The following GGT7 variants were observed in gnomAD, a reference collection of about 807,000 sequenced individuals.
GGT7 encodes glutathione hydrolase 7.
Under a neutral mutation model 69.2 loss-of-function variants are expected in GGT7, and 30 were observed. The observed-to-expected ratio is 0.43, with a 90% CI of 0.32 to 0.59. GGT7 has a LOEUF of 0.59. Ranked by LOEUF, GGT7 falls within the 20% of genes least tolerant of loss-of-function variation. The probability of loss-of-function intolerance (pLI) is 0.05; values close to 1 mark genes in which losing one functional copy is unlikely to be tolerated. For missense variants in GGT7, 733 were observed against 901.1 expected (o/e 0.81, Z 2.39); for synonymous variants, 388 against 391.8 (o/e 0.99, Z 0.12).
chr20:34,857,615 ATTT>A (rs5841184), intron 7 of GGT7, among the ~76,000 whole-genome samples: 101 of 117,980 alleles, frequency 8.6e-4, no homozygotes, highest in South Asian at 3.6e-3. Context: ...TTACACATTG[ATTT>A]TTTTTTTTTT....
At chr20:34,858,573 T>C (rs1198392521) in intron 7 of GGT7, among the ~76,000 whole-genome samples, 1 of 152,220 alleles carries the variant, frequency 6.6e-6, no homozygotes, top group Non-Finnish European at 1.5e-5. Context: ...ATCCTTACCA[T>C]GAACTTAATT....
intron 1 of GGT7, among the ~76,000 whole-genome samples, chr20:34,870,366 A>G (rs996803546): frequency 2.0e-5 from 3 of 152,142 alleles, no homozygotes; most frequent in African/African-American, 7.2e-5. Flanking sequence ...GCTCTCTCCT[A>G]CCATTCTTTC....
At position 34,872,696 on chromosome 20, in the gene GGT7, C is replaced by T. The variant is rs771735076; in HGVS notation, c.120G>A (p.Pro40=). 2 of 1,479,892 alleles carry T rather than the reference C, an allele frequency of 1.4e-6. No homozygotes were observed. The highest frequency in any genetic ancestry group is 1.3e-5 in the South Asian group (1 of 74,444). The allele number at this position is 1,479,892 out of a possible 1,614,324, so 91.7% of individuals were successfully genotyped here. A position where few individuals can be genotyped will look rare whatever the true frequency, so the allele number is the denominator to read the frequency against. ...LPEDEPAPAA[P]LRGRKDEDAF... Reference sequence around the variant, plus strand: ...CGTCCTCGTCCTTGCGGCCCCTCAGCGGGGCCGCGGGCGCCGGCTCGTCCT... The same window carrying T: ...CGTCCTCGTCCTTGCGGCCCCTCAGTGGGGCCGCGGGCGCCGGCTCGTCCT... The change falls in exon 1 of 15, where the codon CCG becomes CCA. Residue 40 remains proline, a synonymous_variant. Coordinates refer to ENST00000336431, the MANE Select transcript of GGT7 (RefSeq NM_178026.3).
chr20:34,852,056 A>G, intron 12 of GGT7, 99 bp downstream of exon 12: 2 of 808,658 alleles, frequency 2.5e-6, no homozygotes, highest in Non-Finnish European at 4.4e-6. Flanking sequence ...CTTATACTAG[A>G]AGATTCTGGA....
At chr20:34,854,166 A>T (rs1027034201) in intron 10 of GGT7, among the ~76,000 whole-genome samples, 1 of 152,092 alleles carries the variant, frequency 6.6e-6, no homozygotes, top group South Asian at 2.1e-4. Context: ...CAAACTCTTG[A>T]CCTCAGGTGA....
At position 34,863,112 on chromosome 20, in the gene GGT7, C is replaced by T; in HGVS notation, c.406-147G>A. On this transcript the variant is annotated intron_variant, in intron 2 of 14. Coordinates refer to ENST00000336431, the MANE Select transcript of GGT7 (RefSeq NM_178026.3). The surrounding 1 kb of genome is among the most constrained non-coding windows in gnomAD (Gnocchi z 4.4). ...ACTCTGCCCTCATTACCCCAAGTGC[C>T]TCCTAATGGATCTGTCCTTATTCTT... 3.6e-6 allele frequency: 3 copies of T among 841,468 alleles called. No individual in the cohort carries two copies. Among genetic ancestry groups the T allele is most frequent in the South Asian group, 1.7e-5 (1 of 57,828 alleles). The allele number at this position is 841,468 out of a possible 1,614,324, so 52.1% of individuals were successfully genotyped here.
At chr20:34,859,358 GGGAA>G in intron 7 of GGT7, 81 bp downstream of exon 7, 1 of 990,154 alleles carries the variant, frequency 1.0e-6, no homozygotes, top group Non-Finnish European at 1.5e-6. Flanking sequence ...GAGGGAGGGA[GGGAA>G]GGAAGGAAAA....
intron 10 of GGT7, among the ~76,000 whole-genome samples, chr20:34,853,194 C>T (rs942710291): frequency 9.2e-5 from 14 of 152,236 alleles, no homozygotes; most frequent in African/African-American, 3.1e-4. Flanking sequence ...ATCCACTCAC[C>T]TCGGCCTCCC....
At chr20:34,847,328 A>C (rs1366886598) in intron 14 of GGT7, among the ~76,000 whole-genome samples, 1 of 152,030 alleles carries the variant, frequency 6.6e-6, no homozygotes, top group Non-Finnish European at 1.5e-5. Flanking sequence ...TCCTCCCCTC[A>C]ATCTACCTCC....
At chr20:34,861,396 C>T (rs200381089) in intron 4 of GGT7, 49 bp downstream of exon 4, 19 of 755,554 alleles carry the variant, frequency 2.5e-5, no homozygotes, top group Non-Finnish European at 3.9e-5. Flanking sequence ...AGCAGAAGGG[C>T]AATGAAGAGA....
Position 34,863,847 on chromosome 20 carries a change from G to C in GGT7, c.170-299C>G, listed in dbSNP as rs990007678. Reference sequence around the variant, plus strand: ...GGGCCCAGGGCTGAGAACACTTCCTGGGGGGTGGGGTGGGGGTTCCAGCCC... The same window carrying C: ...GGGCCCAGGGCTGAGAACACTTCCTCGGGGGTGGGGTGGGGGTTCCAGCCC... On this transcript the variant is annotated intron_variant, in intron 1 of 14. Transcript: ENST00000336431. This position sits in a 1 kb window ranked among gnomAD's most constrained non-coding sequence, Gnocchi z 4.4. 1 of 580,212 alleles carries C rather than the reference G, an allele frequency of 1.7e-6. No individual in the cohort carries two copies. Among genetic ancestry groups the C allele is most frequent in the Non-Finnish European group, 3.3e-6 (1 of 305,038 alleles). The allele number at this position is 580,212 out of a possible 1,614,324, so 35.9% of individuals were successfully genotyped here.
chr20:34,863,643 C>CT lies in GGT7; in HGVS notation c.170-96dup. On this transcript the variant is annotated intron_variant, in intron 1 of 14. Transcript: ENST00000336431. This position sits in a 1 kb window ranked among gnomAD's most constrained non-coding sequence, Gnocchi z 4.4. ...ATTCAGCGCTTTCCCTGCCCCGCCC[C>CT]TGCCACACAATCCCCGCACTGGCTA... The CT allele has an allele frequency of 1.2e-6, 1 of 829,856 alleles. No individual in the cohort carries two copies. Among genetic ancestry groups the CT allele is most frequent in the Non-Finnish European group, 2.0e-6 (1 of 488,332 alleles). 51.4% of individuals were successfully genotyped at this position (829,856 alleles called of 1,614,324 possible).
intron 13 of GGT7, 38 bp from the exon 14 acceptor site, chr20:34,850,098 CA>C (rs1263781395): frequency 5.1e-6 from 7 of 1,368,418 alleles, no homozygotes; most frequent in African/African-American, 1.4e-5. Context: ...AGGGCTGTCC[CA>C]GGGGTGATGG....
Position 34,854,070 on chromosome 20 carries a change from G to A in GGT7, c.1319+461C>T, listed in dbSNP as rs528200569. On this transcript the variant is annotated intron_variant, in intron 10 of 14. Coordinates refer to ENST00000336431, the MANE Select transcript of GGT7 (RefSeq NM_178026.3). ...TCCTGCCTCAGCCTCCTGACTAGCT[G>A]GGACTACAGGCACGCGCCACCACGC... Among the ~76,000 whole-genome samples, 6 of 152,308 alleles carry A rather than the reference G, an allele frequency of 3.9e-5. No homozygotes were observed. The East Asian group carries it at 1.2e-3, about 29-fold the overall frequency.
In GGT7 at chr20:34,852,307, C is replaced by T. The variant is rs760866289; in HGVS notation, c.1470-35G>A. 3 of 1,603,182 alleles carry T rather than the reference C, an allele frequency of 1.9e-6. No homozygotes were observed. In the South Asian group the frequency reaches 3.3e-5, roughly 18 times the overall value. The stretch of plus-strand genomic sequence containing the variant: ...GAGGTGGGGTTGGGTGAGCCCTGGC[C>T]CATCCTCACCTCTACCCAGCCCCCA... On this transcript the variant is annotated intron_variant, in intron 11 of 14. Coordinates refer to ENST00000336431, the MANE Select transcript of GGT7 (RefSeq NM_178026.3).
chr20:34,852,743 TC>T (rs1440415496), intron 10 of GGT7, among the ~76,000 whole-genome samples: 2 of 152,234 alleles, frequency 1.3e-5, no homozygotes, highest in Non-Finnish European at 2.9e-5. Flanking sequence ...TTATTTAGAT[TC>T]TTTTCTGGAA....
At chr20:34,871,777 C>T (rs1034260536) in intron 1 of GGT7, among the ~76,000 whole-genome samples, 5 of 152,128 alleles carry the variant, frequency 3.3e-5, no homozygotes, top group South Asian at 4.1e-4. Flanking sequence ...CAGGAAGTGA[C>T]GTGCAGGGAC....
chr20:34,861,323 G>T, intron 4 of GGT7, 122 bp downstream of exon 4: 1 of 490,160 alleles, frequency 2.0e-6, no homozygotes, highest in South Asian at 5.2e-5. Flanking sequence ...TAGCCTAAGA[G>T]AATCCTGCTC....
intron 14 of GGT7, among the ~76,000 whole-genome samples, chr20:34,847,423 C>A (rs944466465): frequency 6.6e-6 from 1 of 152,218 alleles, no homozygotes; most frequent in Admixed American, 6.5e-5. Context: ...CCCTGTAACT[C>A]CACATCCTAC....
Sources: allele counts gnomAD v4.1 joint callset (sites outside exome capture counted in the v4.1 genomes callset), GRCh38; gene constraint gnomAD v4.1.1; non-coding constraint Gnocchi (gnomAD v3.1); transcripts MANE v1.5; gene names NCBI Gene and HGNC (gene_info 2026-07-23, HGNC 2026-07-21).